Variants in XRRA1 observed in about 807,000 individuals in gnomAD.
XRRA1 encodes the protein X-ray radiation resistance-associated protein 1.
Under a neutral mutation model 80.2 loss-of-function variants are expected in XRRA1, and 69 were observed. The observed-to-expected ratio is 0.86, with a 90% CI of 0.71 to 1.05. The LOEUF is 1.05. XRRA1 is among the 50% of genes least tolerant of loss of function. XRRA1 has a pLI of 0.00. For missense variants in XRRA1, 967 were observed against 976.4 expected (o/e 0.99, Z 0.13); for synonymous variants, 348 against 389.9 (o/e 0.89, Z 1.27).
chr11:74,906,202 T>C (rs1303989735), intron 10 of XRRA1, 37 bp downstream of exon 10: 1 of 1,583,870 alleles, frequency 6.3e-7, no homozygotes. Flanking sequence ...ATTTCCACCA[T>C]GAGGGTAGAA....
rs2038818374 is a variant in XRRA1 at position 74,848,239 on chromosome 11, C to G, written c.1604G>C (p.Cys535Ser). ...CRTFVPLPPI[C>S]SNSTVHSEET... ...TTCACTATGCACAGTGGAGTTGGAGCAGATGGGAGGCAGTGGCACGAAGGT... is the reference window on the plus strand; with the variant it reads ...TTCACTATGCACAGTGGAGTTGGAGGAGATGGGAGGCAGTGGCACGAAGGT... Residue 535 changes from cysteine to serine, a missense_variant, in exon 15 of 19, where the codon TGC becomes TCC. Transcript: ENST00000684022. 4 of 1,613,834 alleles carry G rather than the reference C, an allele frequency of 2.5e-6. No homozygotes were observed. Among genetic ancestry groups the G allele is most frequent in the Non-Finnish European group, 3.4e-6 (4 of 1,179,848 alleles).
chr11:74,876,834 A>C (rs972160870), intron 10 of XRRA1: 1 of 152,248 alleles, frequency 6.6e-6, no homozygotes, highest in South Asian at 2.1e-4. Flanking sequence ...CTACCTTATC[A>C]GATACTTTCA....
At position 74,843,922 on chromosome 11, in the gene XRRA1, C is replaced by G. The variant is rs755195615; in HGVS notation, c.2081G>C (p.Arg694Thr). Residue 694 changes from arginine (R) to threonine (T), a missense_variant, in exon 18 of 19, where the codon AGA (arginine) becomes ACA (threonine). Physicochemically the swap from Arg to Thr is moderately conservative, Grantham distance 71. Coordinates refer to ENST00000684022, the MANE Select transcript of XRRA1 (RefSeq NM_001378157.1). ...RIPIPPPKKT[R>T]AQLLDDIFIR... Reference sequence around the variant, plus strand: ...GAAGATGTCATCCAGAAGTTGGGCTCTAGTCTTCTTTGGGGGTGGAATCGG... The same window carrying G: ...GAAGATGTCATCCAGAAGTTGGGCTGTAGTCTTCTTTGGGGGTGGAATCGG... 1 of 1,613,714 alleles carries G rather than the reference C, an allele frequency of 6.2e-7. No homozygotes were observed. Among genetic ancestry groups the G allele is most frequent in the Non-Finnish European group, 8.5e-7 (1 of 1,179,794 alleles).
Position 74,856,578 on chromosome 11 carries a change from C to CA in XRRA1, c.1170+2579dup, listed in dbSNP as rs1191422922. 2.0e-5 allele frequency among the ~76,000 whole-genome samples: 3 copies of CA among 152,308 alleles called. No individual in the cohort carries two copies. In the East Asian group the frequency reaches 5.8e-4, roughly 29 times the overall value. ...GTGGCAGATGCAAGTGCCACACAAG[C>CA]ACTTAAGAAGAAATCAGGTAAAAAT... is the stretch of plus-strand genomic sequence containing the variant. On this transcript the variant is annotated intron_variant, in intron 12 of 18. Transcript: ENST00000684022.
At chr11:74,860,955 T>C (rs2042179251) in intron 11 of XRRA1, among the ~76,000 whole-genome samples, 1 of 152,194 alleles carries the variant, frequency 6.6e-6, no homozygotes, top group East Asian at 1.9e-4. Context: ...ACCATGTGAC[T>C]AGAGAGTTGG....
intron 10 of XRRA1, among the ~76,000 whole-genome samples, chr11:74,881,125 G>A (rs1411292080): frequency 6.8e-6 from 1 of 147,866 alleles, no homozygotes; most frequent in African/African-American, 2.5e-5. Flanking sequence ...CTCAGGACTT[G>A]CTTTATGAAT....
chr11:74,940,883 C>G lies in XRRA1; in HGVS notation c.-4-1G>C, dbSNP rs1946204453. 6.2e-7 allele frequency: 1 copy of G among 1,603,826 alleles called. No homozygotes were observed. Among genetic ancestry groups the G allele is most frequent in the Middle Eastern group, 1.7e-4 (1 of 6,026 alleles). ...GTAGATTCCTGAGAAGGCCATCTCC[C>G]TGAGAGCCAGGCAAGGAAAGCAAGG... On this transcript the variant is annotated splice_acceptor_variant, in intron 2 of 18. Transcript: ENST00000684022. LOFTEE classifies it low-confidence loss of function (5UTR_SPLICE).
Position 74,855,214 on chromosome 11 carries a change from A to G in XRRA1, c.1171-3132T>C, listed in dbSNP as rs1039580991. 4.6e-5 allele frequency among the ~76,000 whole-genome samples: 7 copies of G among 152,170 alleles called. No homozygotes were observed. In the South Asian group the frequency reaches 6.2e-4, roughly 14 times the overall value. On this transcript the variant is annotated intron_variant, in intron 12 of 18. Coordinates refer to ENST00000684022, the MANE Select transcript of XRRA1 (RefSeq NM_001378157.1). Reference sequence around the variant, plus strand: ...GAGGATGAACCTAAAAAGGTGCCCAATATGTTTTGATAAATGACTATAATG... The same window carrying G: ...GAGGATGAACCTAAAAAGGTGCCCAGTATGTTTTGATAAATGACTATAATG...
At chr11:74,933,985 T>C (rs1378659420) in intron 4 of XRRA1, 113 bp from the exon 5 acceptor site, 1 of 915,590 alleles carries the variant, frequency 1.1e-6, no homozygotes, top group Non-Finnish European at 1.6e-6. Flanking sequence ...ATTTGTTTGC[T>C]TGTTCATTCA....
intron 8 of XRRA1, chr11:74,919,821 G>T (rs1940096423): frequency 4.7e-6 from 2 of 423,012 alleles, no homozygotes; most frequent in South Asian, 2.0e-5. Flanking sequence ...AAGGAATAAG[G>T]AATGTCCCAT....
intron 10 of XRRA1, among the ~76,000 whole-genome samples, chr11:74,877,925 G>A (rs1241231417): frequency 3.3e-5 from 5 of 151,690 alleles, no homozygotes; most frequent in Non-Finnish European, 5.9e-5. Context: ...ATAAACATAC[G>A]TGTGCATGTG....
chr11:74,941,380 T>C (rs2139929819), intron 2 of XRRA1, among the ~76,000 whole-genome samples: 2 of 152,302 alleles, frequency 1.3e-5, no homozygotes, highest in South Asian at 4.1e-4. Flanking sequence ...GTACAAATAA[T>C]GAGACTTGAA....
chr11:74,888,385 CAGAA>C (rs1043789932), intron 10 of XRRA1, among the ~76,000 whole-genome samples: 21 of 152,324 alleles, frequency 1.4e-4, no homozygotes, highest in African/African-American at 5.1e-4. Context: ...GGAAAACTAA[CAGAA>C]AGGACATCCA....
At chr11:74,947,409 C>T (rs1228054379) in intron 1 of XRRA1, among the ~76,000 whole-genome samples, 1 of 151,962 alleles carries the variant, frequency 6.6e-6, no homozygotes, top group Non-Finnish European at 1.5e-5. Flanking sequence ...GCCTGTAGTC[C>T]CAGCTACAAA....
chr11:74,940,497 G>T (rs1946109657), intron 3 of XRRA1, among the ~76,000 whole-genome samples: 1 of 152,178 alleles, frequency 6.6e-6, no homozygotes, highest in African/African-American at 2.4e-5. Context: ...GTGGAACAGA[G>T]CATAAATAAA....
intron 2 of XRRA1, among the ~76,000 whole-genome samples, chr11:74,942,343 A>G (rs1036461900): frequency 6.6e-6 from 1 of 152,192 alleles, no homozygotes; most frequent in Non-Finnish European, 1.5e-5. Context: ...TGTATGAAAG[A>G]GTGAATGGAA....
rs778622322 is a variant in XRRA1 at position 74,843,854 on chromosome 11, C to G, written c.2149G>C (p.Gly717Arg). The change falls in exon 18 of 19, where the codon GGT becomes CGT. Residue 717 changes from glycine to arginine, a missense_variant and splice_region_variant. By Grantham distance (125) the Gly-to-Arg change is moderately radical. Coordinates refer to ENST00000684022, the MANE Select transcript of XRRA1 (RefSeq NM_001378157.1). ...CCTGGCAGCTGTGGCAGAGCCGTACCTAGTGGAGCCTCTGTAATGTTCCGG... is the reference window on the plus strand; with the variant it reads ...CCTGGCAGCTGTGGCAGAGCCGTACGTAGTGGAGCCTCTGTAATGTTCCGG... ...DPRNITEAPL[G>R]AVLHQWTERR... is the part of the protein sequence containing the mutation. 2 of 1,607,270 alleles carry G rather than the reference C, an allele frequency of 1.2e-6. No individual in the cohort carries two copies. The highest frequency in any genetic ancestry group is 2.2e-5 in the South Asian group (2 of 89,508).
chr11:74,942,681 G>C (rs1180983900), intron 2 of XRRA1, among the ~76,000 whole-genome samples: 2 of 152,212 alleles, frequency 1.3e-5, no homozygotes, highest in Non-Finnish European at 2.9e-5. Flanking sequence ...GTGTGGCCTT[G>C]AGCAAGTTAC....
Position 74,851,069 on chromosome 11 carries a change from C to A in XRRA1, c.1380+19G>T, listed in dbSNP as rs200849151. 6.3e-6 allele frequency: 10 copies of A among 1,594,654 alleles called. No individual in the cohort carries two copies. The African/African-American group carries it at 1.3e-4, about 21-fold the overall frequency. On this transcript the variant is annotated intron_variant, in intron 14 of 18. Coordinates refer to ENST00000684022, the MANE Select transcript of XRRA1 (RefSeq NM_001378157.1). The stretch of plus-strand genomic sequence containing the variant: ...CTGCACTCTTCCTGGGGGTGGGAGT[C>A]CTGCCTTGGAAGCCCTACCTTCCAT...
Sources: allele counts gnomAD v4.1 joint callset (sites outside exome capture counted in the v4.1 genomes callset), GRCh38; gene constraint gnomAD v4.1.1; transcripts MANE v1.5; gene names NCBI Gene and HGNC (gene_info 2026-07-23, HGNC 2026-07-21).